CCDC148: variants seen among roughly 807,000 people sequenced by gnomAD.
The protein encoded by CCDC148 is coiled-coil domain-containing protein 148.
CCDC148 carries 89 observed loss-of-function variants against 85.7 expected under a neutral mutation model. The observed-to-expected ratio is 1.04, with a 90% CI of 0.87 to 1.24. CCDC148 has a LOEUF of 1.24. Among genes scored for constraint, CCDC148 ranks in the 50% most tolerant of loss-of-function variants. The probability of loss-of-function intolerance (pLI) is 0.00; values close to 1 mark genes in which losing one functional copy is unlikely to be tolerated. For missense variants in CCDC148, 692 were observed against 671.7 expected (o/e 1.03, Z -0.33); for synonymous variants, 230 against 213.9 (o/e 1.08, Z -0.66).
At chr2:158,182,120 G>A (rs1018646407) in intron 11 of CCDC148, among the ~76,000 whole-genome samples, 1 of 152,134 alleles carries the variant, frequency 6.6e-6, no homozygotes, top group Admixed American at 6.5e-5. Context: ...ATGAGAAACA[G>A]GGAGGTGAAA....
At chr2:158,297,820 G>A (rs1468588544) in intron 9 of CCDC148, among the ~76,000 whole-genome samples, 2 of 152,180 alleles carry the variant, frequency 1.3e-5, no homozygotes, top group Non-Finnish European at 2.9e-5. Context: ...CAGTGACTCA[G>A]AACAGACTGC....
chr2:158,346,749 G>T (rs1243184413), intron 2 of CCDC148, among the ~76,000 whole-genome samples: 1 of 152,094 alleles, frequency 6.6e-6, no homozygotes, highest in African/African-American at 2.4e-5. Context: ...AGCTTTAAAA[G>T]ATCAATGCTG....
At chr2:158,245,652 C>T (rs1688541135) in intron 10 of CCDC148, among the ~76,000 whole-genome samples, 1 of 152,168 alleles carries the variant, frequency 6.6e-6, no homozygotes, top group South Asian at 2.1e-4. Context: ...GCAACAACAT[C>T]TCCTAAACCT....
intron 10 of CCDC148, among the ~76,000 whole-genome samples, chr2:158,248,309 C>T (rs1338133287): frequency 6.6e-6 from 1 of 151,756 alleles, no homozygotes; most frequent in African/African-American, 2.4e-5. Flanking sequence ...AATATTCTCT[C>T]CTTTATTTAA....
At chr2:158,280,669 T>C (rs1048350667) in intron 9 of CCDC148, among the ~76,000 whole-genome samples, 18 of 152,212 alleles carry the variant, frequency 1.2e-4, no homozygotes, top group African/African-American at 3.9e-4. Flanking sequence ...CTACCACACA[T>C]TAATAACGGG....
chr2:158,403,477 A>G (rs540908599), intron 1 of CCDC148, among the ~76,000 whole-genome samples: 62 of 152,206 alleles, frequency 4.1e-4, no homozygotes, highest in African/African-American at 1.4e-3. Flanking sequence ...TGTCTATTAC[A>G]TCACCCATTA....
chr2:158,314,023 T>C lies in CCDC148; in HGVS notation c.765-129A>G, dbSNP rs58484116. The C allele has an allele frequency of 2.0e-3, 1,562 of 781,664 alleles. 27 individuals carry two copies. The African/African-American group carries it at 0.025, about 13-fold the overall frequency. 48.4% of individuals were successfully genotyped at this position (781,664 alleles called of 1,614,324 possible). On this transcript the variant is annotated intron_variant, in intron 7 of 13. Coordinates refer to ENST00000283233, the MANE Select transcript of CCDC148 (RefSeq NM_138803.4). ...AGGTTTCTGTGTATTTTAAATACAT[T>C]AGCCAAATTTAATGTCTGTTTCAGA...
At chr2:158,207,833 G>C (rs1686332695) in intron 11 of CCDC148, among the ~76,000 whole-genome samples, 1 of 152,108 alleles carries the variant, frequency 6.6e-6, no homozygotes, top group African/African-American at 2.4e-5. Context: ...TCAAGATGCT[G>C]GCTGAAAGCA....
At chr2:158,345,384 A>G (rs1682947946) in intron 2 of CCDC148, 66 bp from the exon 3 acceptor site, 1 of 1,051,896 alleles carries the variant, frequency 9.5e-7, no homozygotes, top group Admixed American at 2.2e-5. Flanking sequence ...CACAACAGAA[A>G]TGCTTAATCT....
intron 9 of CCDC148, among the ~76,000 whole-genome samples, chr2:158,292,512 T>C (rs981870857): frequency 3.3e-5 from 5 of 152,186 alleles, no homozygotes; most frequent in Non-Finnish European, 7.3e-5. Flanking sequence ...ATTCTGACCT[T>C]GAAATTCTCT....
At position 158,366,065 on chromosome 2, in the gene CCDC148, T is replaced by C. The variant is rs563669264; in HGVS notation, c.26-7495A>G. 8 of 1,538,906 alleles carry C rather than the reference T, an allele frequency of 5.2e-6. No homozygotes were observed. The African/African-American group carries it at 8.3e-5, about 16-fold the overall frequency. ...ATGAATGGTTGGTCTCTTTGATTCA[T>C]GTTTTCCGTATCTGTTAAGGAAACG... On this transcript the variant is annotated intron_variant, in intron 1 of 13. Transcript: ENST00000283233.
At chr2:158,364,443 G>T (rs1175040644) in intron 1 of CCDC148, among the ~76,000 whole-genome samples, 1 of 149,726 alleles carries the variant, frequency 6.7e-6, no homozygotes, top group African/African-American at 2.5e-5. Context: ...AAACAGCATG[G>T]TACTGGTACC....
At chr2:158,309,122 A>G (rs1318090156) in intron 9 of CCDC148, among the ~76,000 whole-genome samples, 2 of 152,146 alleles carry the variant, frequency 1.3e-5, no homozygotes, top group Non-Finnish European at 2.9e-5. Flanking sequence ...TAACTTTATC[A>G]TTACACTTGC....
intron 7 of CCDC148, among the ~76,000 whole-genome samples, chr2:158,328,366 G>A (rs1458977473): frequency 6.6e-6 from 1 of 152,140 alleles, no homozygotes; most frequent in Admixed American, 6.5e-5. Context: ...TGGCTGCATA[G>A]TGTTCCATGG....
chr2:158,330,774 T>C lies in CCDC148; in HGVS notation c.764+7952A>G, dbSNP rs564389008. Among the ~76,000 whole-genome samples, 4 of 152,348 alleles carry C rather than the reference T, an allele frequency of 2.6e-5. No individual in the cohort carries two copies. In the East Asian group the frequency reaches 7.7e-4, roughly 29 times the overall value. On this transcript the variant is annotated intron_variant, in intron 7 of 13. Transcript: ENST00000283233. ...TGTTAATGAATCTATCCATTTCTTC[T>C]AGAACTTCTAGTTTATTTGCATAGA...
intron 9 of CCDC148, among the ~76,000 whole-genome samples, chr2:158,280,485 T>G (rs543229930): frequency 1.7e-4 from 26 of 152,236 alleles, no homozygotes; most frequent in African/African-American, 6.3e-4. Flanking sequence ...TCCTAGTCTC[T>G]GATAAAACAG....
chr2:158,175,995 T>C (rs1684561847), intron 13 of CCDC148, among the ~76,000 whole-genome samples: 1 of 152,074 alleles, frequency 6.6e-6, no homozygotes. Flanking sequence ...CAGATTAAAA[T>C]GAACCCTAGG....
chr2:158,253,663 A>T (rs1402870), intron 9 of CCDC148, among the ~76,000 whole-genome samples: 55,324 of 151,430 alleles, frequency 0.37, 11,165 homozygotes, highest in Middle Eastern at 0.45. Context: ...TTCAAAATGA[A>T]TATTTTAAAT....
intron 7 of CCDC148, among the ~76,000 whole-genome samples, chr2:158,326,845 T>A (rs2105226641): frequency 6.6e-6 from 1 of 152,290 alleles, no homozygotes; most frequent in Middle Eastern, 3.4e-3. Flanking sequence ...TTTTTGTGTA[T>A]TGTTTCAGAC....
Sources: gnomAD v4.1 joint callset for allele counts (sites outside exome capture counted in the v4.1 genomes callset) on GRCh38, gnomAD v4.1.1 for gene constraint, MANE v1.5 for transcripts, NCBI Gene and HGNC (gene_info 2026-07-23, HGNC 2026-07-21) for gene names.